Variants in PTPN4 observed in about 807,000 individuals in gnomAD.
The protein encoded by PTPN4 is protein tyrosine phosphatase non-receptor type 4, also known as tyrosine-protein phosphatase non-receptor type 4.
In PTPN4, 49 loss-of-function variants were observed where a neutral mutation model predicts 135.5. That is an observed-to-expected ratio of 0.36 (90% CI 0.29 to 0.46). The LOEUF is 0.46. Among genes scored for constraint, PTPN4 ranks in the 20% least tolerant of loss-of-function variants. The probability of loss-of-function intolerance (pLI) is 1.00; values close to 1 mark genes in which losing one functional copy is unlikely to be tolerated. For missense variants in PTPN4, 860 were observed against 1,101.0 expected, an observed-to-expected ratio of 0.78 and a Z score of 3.10; for synonymous variants, 333 against 369.9, an observed-to-expected ratio of 0.90 and a Z score of 1.14.
In PTPN4 at chr2:119,932,427, C is replaced by A; in HGVS notation, c.1074C>A (p.Ser358=). The change falls in exon 14 of 27, where the codon TCC becomes TCA. Residue 358 remains serine (S), a synonymous_variant. Transcript: ENST00000263708. ...ATTATTTAATTTATTTCTGCAGATCCCCAAGTAAGCCCTTGGCACGGAAAT... is the reference window on the plus strand; with the variant it reads ...ATTATTTAATTTATTTCTGCAGATCACCAAGTAAGCCCTTGGCACGGAAAT... ...KANKDRVFAR[S]PSKPLARKLM... The A allele has an allele frequency of 6.3e-7, 1 of 1,599,726 alleles. No individual in the cohort carries two copies. The highest frequency in any genetic ancestry group is 1.1e-5 in the South Asian group (1 of 87,950).
intron 12 of PTPN4, among the ~76,000 whole-genome samples, chr2:119,924,333 CA>C (rs907963745): frequency 2.4e-4 from 36 of 151,542 alleles, no homozygotes; most frequent in African/African-American, 8.2e-4. Flanking sequence ...TTAAAAGTGG[CA>C]TATATACCAT....
At chr2:119,900,673 C>T (rs1163732527) in intron 9 of PTPN4, 45 bp from the exon 10 acceptor site, 1 of 1,159,582 alleles carries the variant, frequency 8.6e-7, no homozygotes, top group Admixed American at 2.4e-5. Flanking sequence ...TCTAACAAAG[C>T]CCATAAATTT....
chr2:119,953,590 A>T (rs1278278250), intron 19 of PTPN4, among the ~76,000 whole-genome samples: 4 of 152,196 alleles, frequency 2.6e-5, no homozygotes, highest in African/African-American at 9.6e-5. Flanking sequence ...TAAATTTTAA[A>T]CCAGGAATAA....
chr2:119,943,747 T>C (rs1227854862), intron 15 of PTPN4, among the ~76,000 whole-genome samples: 5 of 151,716 alleles, frequency 3.3e-5, no homozygotes, highest in Admixed American at 6.6e-5. Flanking sequence ...CCACCATGCC[T>C]AGCTAATTTT....
At chr2:119,899,562 A>T (rs554479895) in intron 9 of PTPN4, among the ~76,000 whole-genome samples, 1 of 152,184 alleles carries the variant, frequency 6.6e-6, no homozygotes, top group South Asian at 2.1e-4. Context: ...AGTATTACAG[A>T]TTCTTTTGCT....
At chr2:119,785,804 A>G (rs914950602) in intron 1 of PTPN4, among the ~76,000 whole-genome samples, 1 of 152,122 alleles carries the variant, frequency 6.6e-6, no homozygotes, top group Non-Finnish European at 1.5e-5. Flanking sequence ...TTCCTGGTGT[A>G]TATGAGAGAG....
At chr2:119,971,657 A>C (rs1679536442) in intron 26 of PTPN4, among the ~76,000 whole-genome samples, 1 of 152,190 alleles carries the variant, frequency 6.6e-6, no homozygotes, top group Admixed American at 6.5e-5. Flanking sequence ...TGATGCACAG[A>C]AGTTTTGAAT....
intron 11 of PTPN4, among the ~76,000 whole-genome samples, chr2:119,917,198 C>T (rs1420329288): frequency 1.3e-5 from 2 of 152,196 alleles, no homozygotes; most frequent in Non-Finnish European, 2.9e-5. Context: ...CAGTCATTTT[C>T]ATATCACTGA....
chr2:119,847,181 T>TA lies in PTPN4; in HGVS notation c.139-15348dup, dbSNP rs899553229. Among the ~76,000 whole-genome samples, 14 of 146,914 alleles carry TA rather than the reference T, an allele frequency of 9.5e-5. No individual in the cohort carries two copies. The South Asian group carries it at 2.9e-3, about 31-fold the overall frequency. On this transcript the variant is annotated intron_variant, in intron 2 of 26. Coordinates refer to ENST00000263708, the MANE Select transcript of PTPN4 (RefSeq NM_002830.4). The stretch of plus-strand genomic sequence containing the variant: ...ACATATACATATATATGTATACATA[T>TA]AAAAAAATATATAGAGTATATATAT...
intron 1 of PTPN4, among the ~76,000 whole-genome samples, chr2:119,762,935 C>T (rs145301831): frequency 1.5e-4 from 23 of 152,186 alleles, no homozygotes; most frequent in Middle Eastern, 3.4e-3. Flanking sequence ...TGAAGTTTGG[C>T]TTAGCATTCT....
chr2:119,894,904 CTGAG>C (rs1247110476), intron 9 of PTPN4, among the ~76,000 whole-genome samples: 1 of 151,960 alleles, frequency 6.6e-6, no homozygotes, highest in Admixed American at 6.5e-5. Context: ...TATTTTTTGC[CTGAG>C]TATGGGAAAG....
intron 12 of PTPN4, among the ~76,000 whole-genome samples, chr2:119,920,999 G>A (rs1678728845): frequency 6.6e-6 from 1 of 152,100 alleles, no homozygotes; most frequent in South Asian, 2.1e-4. Flanking sequence ...TAAAACCCTT[G>A]GCCAGTCGCA....
intron 2 of PTPN4, among the ~76,000 whole-genome samples, chr2:119,822,160 T>C (rs1221424666): frequency 2.0e-5 from 3 of 152,172 alleles, no homozygotes; most frequent in Non-Finnish European, 2.9e-5. Flanking sequence ...GTTCCCTACA[T>C]GGATCTTCAA....
intron 26 of PTPN4, among the ~76,000 whole-genome samples, chr2:119,968,889 A>G (rs1290333018): frequency 6.6e-6 from 1 of 152,238 alleles, no homozygotes; most frequent in Non-Finnish European, 1.5e-5. Flanking sequence ...TCAGGAGCCA[A>G]AAGAAGAATC....
In PTPN4 at chr2:119,926,625, G is replaced by C; in HGVS notation, c.1029G>C (p.Gln343His). 1 of 1,605,678 alleles carries C rather than the reference G, an allele frequency of 6.2e-7. No homozygotes were observed. The highest frequency in any genetic ancestry group is 8.5e-7 in the Non-Finnish European group (1 of 1,174,614). Residue 343 changes from glutamine (Q) to histidine (H), a missense_variant, in exon 13 of 27, where the codon CAG (glutamine) becomes CAC (histidine). Physicochemically the swap from Gln to His is conservative, Grantham distance 24 (BLOSUM62 0). Transcript: ENST00000263708. ...GGAGAACTGAAGTCCAATCAGTTCA[G>C]TATGGCAAAGAAAAGGCAAATAAAG... is the stretch of plus-strand genomic sequence containing the variant. Reference protein sequence around the residue: ...YCGRTEVQSVQYGKEKANKDR... With the variant: ...YCGRTEVQSVHYGKEKANKDR...
chr2:119,858,953 T>C (rs945001428), intron 2 of PTPN4, among the ~76,000 whole-genome samples: 12 of 152,082 alleles, frequency 7.9e-5, no homozygotes, highest in East Asian at 5.8e-4. Flanking sequence ...GTTGTTCTTA[T>C]TGAGTAATTT....
At chr2:119,826,682 C>G (rs1046195063) in intron 2 of PTPN4, among the ~76,000 whole-genome samples, 5 of 152,150 alleles carry the variant, frequency 3.3e-5, no homozygotes, top group African/African-American at 1.2e-4. Context: ...AGTTGGAAAA[C>G]TGTGCTCTAA....
chr2:119,809,742 T>C (rs745739995), intron 1 of PTPN4, 95 bp from the exon 2 acceptor site: 2 of 1,116,598 alleles, frequency 1.8e-6, no homozygotes, highest in Non-Finnish European at 2.4e-6. Context: ...TCCACCTAAG[T>C]TTTAATTGAG....
intron 16 of PTPN4, among the ~76,000 whole-genome samples, chr2:119,945,716 T>G (rs1238172299): frequency 6.6e-6 from 1 of 152,152 alleles, no homozygotes; most frequent in Non-Finnish European, 1.5e-5. Flanking sequence ...AACAGTCAGA[T>G]CTGTCAAGAG....
Sources: allele counts gnomAD v4.1 joint callset (sites outside exome capture counted in the v4.1 genomes callset), GRCh38; gene constraint gnomAD v4.1.1; transcripts MANE v1.5; gene names NCBI Gene and HGNC (gene_info 2026-07-23, HGNC 2026-07-21).